FRMD5: variants seen among roughly 807,000 people sequenced by gnomAD.
FRMD5 encodes the protein FERM domain-containing protein 5.
FRMD5 carries 20 observed loss-of-function variants against 69.0 expected under a neutral mutation model. The observed-to-expected ratio is 0.29, with a 90% CI of 0.20 to 0.42. The LOEUF (loss-of-function observed/expected upper bound fraction) is 0.42. Ranked by LOEUF, FRMD5 falls within the 10% of genes least tolerant of loss-of-function variation. The pLI is 1.00. For synonymous variants in FRMD5, 271 were observed against 260.1 expected, an observed-to-expected ratio of 1.04 and a Z score of -0.40; for missense variants, 595 against 708.6, an observed-to-expected ratio of 0.84 and a Z score of 1.82.
At chr15:44,137,747 G>A (rs902754314) in intron 1 of FRMD5, among the ~76,000 whole-genome samples, 1 of 152,062 alleles carries the variant, frequency 6.6e-6, no homozygotes, top group Non-Finnish European at 1.5e-5. Flanking sequence ...AAAGCAGTCA[G>A]TGAAGCCTAA....
chr15:43,895,677 C>G (rs1312028917), intron 7 of FRMD5, among the ~76,000 whole-genome samples: 2 of 152,334 alleles, frequency 1.3e-5, no homozygotes, highest in Admixed American at 6.5e-5. Flanking sequence ...GCAACAGATG[C>G]AGATGAAGGC....
chr15:43,897,990 G>A (rs1053643876), intron 7 of FRMD5, among the ~76,000 whole-genome samples: 1 of 152,156 alleles, frequency 6.6e-6, no homozygotes, highest in African/African-American at 2.4e-5. Flanking sequence ...GTTTCCTGAG[G>A]CCTCCCTAGC....
intron 1 of FRMD5, among the ~76,000 whole-genome samples, chr15:44,170,593 C>G (rs969109891): frequency 2.0e-5 from 3 of 152,022 alleles, no homozygotes; most frequent in African/African-American, 7.3e-5. Context: ...CCCGTTTCCC[C>G]ATAATTTTTC....
At chr15:44,077,297 C>T (rs1030944112) in intron 1 of FRMD5, among the ~76,000 whole-genome samples, 2 of 152,078 alleles carry the variant, frequency 1.3e-5, no homozygotes, top group Non-Finnish European at 2.9e-5. Flanking sequence ...CTATGGTGTA[C>T]TACTCTGGAG....
chr15:43,898,676 G>A (rs920332748), intron 7 of FRMD5, among the ~76,000 whole-genome samples: 1 of 152,224 alleles, frequency 6.6e-6, no homozygotes, highest in African/African-American at 2.4e-5. Context: ...TTGGAGTGCT[G>A]TCAGGGCCAG....
intron 1 of FRMD5, among the ~76,000 whole-genome samples, chr15:44,110,723 T>A (rs1457236457): frequency 6.6e-6 from 1 of 152,220 alleles, no homozygotes; most frequent in Non-Finnish European, 1.5e-5. Flanking sequence ...AGGTTAGCAT[T>A]TTCTAATCCC....
chr15:44,024,938 G>A (rs549893662), intron 1 of FRMD5, among the ~76,000 whole-genome samples: 98 of 152,282 alleles, frequency 6.4e-4, no homozygotes, highest in African/African-American at 2.2e-3. Flanking sequence ...ATAGGGGAAT[G>A]GTTTATAGGT....
intron 2 of FRMD5, among the ~76,000 whole-genome samples, chr15:43,920,960 G>A (rs1372738397): frequency 1.3e-5 from 2 of 152,176 alleles, no homozygotes; most frequent in Admixed American, 1.3e-4. Flanking sequence ...GCAGTTAATG[G>A]ACCCACTAAG....
chr15:43,927,086 ACT>A (rs1226700698), intron 1 of FRMD5, among the ~76,000 whole-genome samples: 1 of 151,982 alleles, frequency 6.6e-6, no homozygotes, highest in Non-Finnish European at 1.5e-5. Context: ...CCACTGAATG[ACT>A]CTCTCAAGTA....
chr15:44,188,494 T>A (rs187268687), intron 1 of FRMD5, among the ~76,000 whole-genome samples: 61 of 152,282 alleles, frequency 4.0e-4, no homozygotes, highest in Non-Finnish European at 7.6e-4. Flanking sequence ...AGCCTAAGAA[T>A]CACCTGGAAG....
chr15:44,180,869 G>A (rs1390082563), intron 1 of FRMD5, among the ~76,000 whole-genome samples: 1 of 151,994 alleles, frequency 6.6e-6, no homozygotes, highest in Non-Finnish European at 1.5e-5. Flanking sequence ...AATTATATAG[G>A]ATTATTTATA....
In FRMD5 at chr15:44,160,605, C is replaced by T. The variant is rs377389574; in HGVS notation, c.102+34348G>A. Among the ~76,000 whole-genome samples the T allele has an allele frequency of 3.6e-3, 549 of 152,290 alleles. 3 individuals carry two copies. The highest frequency in any genetic ancestry group is 0.017 in the South Asian group (80 of 4,826). ...TGGTGAGCATCTTCCTGTATTATAA[C>T]ATTCTTCTATAACTTCATGTTTAAA... On this transcript the variant is annotated intron_variant, in intron 1 of 13. Coordinates refer to ENST00000417257, the MANE Select transcript of FRMD5 (RefSeq NM_032892.5).
intron 1 of FRMD5, among the ~76,000 whole-genome samples, chr15:44,072,246 G>A (rs752582519): frequency 6.6e-6 from 1 of 152,096 alleles, no homozygotes; most frequent in Non-Finnish European, 1.5e-5. Context: ...TATCGACCTC[G>A]TAAGTTCTTT....
intron 1 of FRMD5, among the ~76,000 whole-genome samples, chr15:44,073,122 A>C (rs1227611232): frequency 6.6e-6 from 1 of 152,158 alleles, no homozygotes; most frequent in Non-Finnish European, 1.5e-5. Flanking sequence ...GTAACAAAGC[A>C]AAACTGTCTC....
chr15:44,126,310 T>G (rs1354357209), intron 1 of FRMD5, among the ~76,000 whole-genome samples: 7 of 152,238 alleles, frequency 4.6e-5, no homozygotes, highest in Admixed American at 4.6e-4. Context: ...CTATGACAGG[T>G]GCTACTTTCC....
rs115256709 is a variant in FRMD5, at chr15:43,927,189, T to C, written c.103-2880A>G. Among the ~76,000 whole-genome samples the C allele has an allele frequency of 1.7e-3, 257 of 152,334 alleles. 1 individual carries two copies. Among genetic ancestry groups the C allele is most frequent in the African/African-American group, 6.0e-3 (249 of 41,582 alleles). On this transcript the variant is annotated intron_variant, in intron 1 of 13. Coordinates refer to ENST00000417257, the MANE Select transcript of FRMD5 (RefSeq NM_032892.5). The stretch of plus-strand genomic sequence containing the variant: ...TCTTTTACTATTTTCTGACTCTTCC[T>C]TGAATTTCTTGAAAGAATTCTTATC...
chr15:44,112,344 A>G (rs1258202378), intron 1 of FRMD5, among the ~76,000 whole-genome samples: 6 of 152,220 alleles, frequency 3.9e-5, no homozygotes, highest in Non-Finnish European at 1.5e-5. Flanking sequence ...GGGACTGTTA[A>G]GAACTCCTTA....
chr15:44,061,494 C>T (rs1361881474), intron 1 of FRMD5, among the ~76,000 whole-genome samples: 2 of 152,146 alleles, frequency 1.3e-5, no homozygotes, highest in Non-Finnish European at 2.9e-5. Context: ...ATTAGTCTGG[C>T]CCTTTGGCTG....
chr15:44,188,887 T>C (rs545503237), intron 1 of FRMD5, among the ~76,000 whole-genome samples: 40 of 152,124 alleles, frequency 2.6e-4, no homozygotes, highest in African/African-American at 8.9e-4. Flanking sequence ...AGAGCACCTC[T>C]AAATACGAAG....
Sources: allele counts gnomAD v4.1 joint callset (sites outside exome capture counted in the v4.1 genomes callset), GRCh38; gene constraint gnomAD v4.1.1; transcripts MANE v1.5; gene names NCBI Gene and HGNC (gene_info 2026-07-23, HGNC 2026-07-21).